The following PHTF2 variants were observed in gnomAD, a reference collection of about 807,000 sequenced individuals.
PHTF2 encodes the protein putative homeodomain transcription factor 2.
A neutral mutation model predicts 101.2 loss-of-function variants in PHTF2; 60 were observed. The observed-to-expected ratio is 0.59, with a 90% CI of 0.48 to 0.73. PHTF2 has a LOEUF of 0.73. Ranked by LOEUF, PHTF2 falls within the 30% of genes least tolerant of loss-of-function variation. The pLI, the probability that PHTF2 is intolerant of heterozygous loss-of-function variation, is 0.00. For missense variants in PHTF2, 747 were observed against 908.7 expected (o/e 0.82, Z 2.29); for synonymous variants, 311 against 307.3 (o/e 1.01, Z -0.13).
At chr7:77,808,849 G>A (rs1193984656) in intron 1 of PHTF2, among the ~76,000 whole-genome samples, 1 of 152,006 alleles carries the variant, frequency 6.6e-6, no homozygotes, top group African/African-American at 2.4e-5. Context: ...CACTCTTTCG[G>A]GGATGTGCTA....
At chr7:77,823,795 C>CA (rs1274679616) in intron 1 of PHTF2, among the ~76,000 whole-genome samples, 5 of 152,066 alleles carry the variant, frequency 3.3e-5, no homozygotes, top group Non-Finnish European at 7.4e-5. Flanking sequence ...CTGTGTGAAA[C>CA]AAAGTAGAGA....
At chr7:77,867,539 T>A (rs1449544689) in intron 3 of PHTF2, among the ~76,000 whole-genome samples, 1 of 152,242 alleles carries the variant, frequency 6.6e-6, no homozygotes, top group African/African-American at 2.4e-5. Flanking sequence ...TGATAAATGC[T>A]GACTACTTAT....
At position 77,816,421 on chromosome 7, in the gene PHTF2, G is replaced by T. The variant is rs574098635; in HGVS notation, c.-36+17450G>T. 1.2e-4 allele frequency among the ~76,000 whole-genome samples: 19 copies of T among 152,144 alleles called. No homozygotes were observed. In the East Asian group the frequency reaches 3.7e-3, roughly 29 times the overall value. On this transcript the variant is annotated intron_variant, in intron 1 of 19. Transcript: ENST00000416283. ...GCCTGTTTATAGTACATGGGTCCAG[G>T]ACAGATACATGTTTCATTTTGCTCA...
chr7:77,891,433 CAGTTG>C lies in PHTF2; in HGVS notation c.148-2174_148-2170del, dbSNP rs1562920775. On this transcript the variant is annotated intron_variant, in intron 3 of 19. Coordinates refer to ENST00000416283, the Ensembl canonical transcript of PHTF2. ...GGTCACCTCTACCATTAGGACTAAC[CAGTTG>C]GTTGTTGTTTACCTAGAGTTTCTTA... Among the ~76,000 whole-genome samples, 1,299 of 152,134 alleles carry C rather than the reference CAGTTG, an allele frequency of 8.5e-3. 20 individuals carry two copies. The highest frequency in any genetic ancestry group is 0.03 in the African/African-American group (1,225 of 41,466).
At chr7:77,800,473 T>G (rs1264522130) in intron 1 of PHTF2, among the ~76,000 whole-genome samples, 1 of 152,204 alleles carries the variant, frequency 6.6e-6, no homozygotes, top group Non-Finnish European at 1.5e-5. Flanking sequence ...GACCACTTTC[T>G]GGTGGAGCAT....
chr7:77,875,837 G>A (rs1294212568), intron 3 of PHTF2, among the ~76,000 whole-genome samples: 8 of 152,146 alleles, frequency 5.3e-5, no homozygotes, highest in Admixed American at 2.0e-4. Flanking sequence ...GATTACAGGC[G>A]TGAGAAACCG....
intron 6 of PHTF2, among the ~76,000 whole-genome samples, chr7:77,901,302 C>G (rs763033485): frequency 2.0e-5 from 3 of 152,096 alleles, no homozygotes; most frequent in Non-Finnish European, 4.4e-5. Flanking sequence ...CATTGTGAAC[C>G]TTGATGAAGA....
At chr7:77,855,523 T>TGAGCCACG (rs1797106472) in intron 3 of PHTF2, among the ~76,000 whole-genome samples, 1 of 152,198 alleles carries the variant, frequency 6.6e-6, no homozygotes, top group Non-Finnish European at 1.5e-5. Context: ...GTCCACTGGC[T>TGAGCCACG]CTGAGCCCAG....
chr7:77,909,186 T>A, intron 8 of PHTF2: 2 of 367,466 alleles, frequency 5.4e-6, no homozygotes, highest in Non-Finnish European at 9.8e-6. Context: ...TTTTTTTTCC[T>A]TGAAGCTCAT....
chr7:77,853,900 T>C (rs1256897648), intron 2 of PHTF2, among the ~76,000 whole-genome samples: 3 of 152,232 alleles, frequency 2.0e-5, no homozygotes, highest in African/African-American at 7.2e-5. Context: ...TTATCTGTCT[T>C]CATGGTCTCA....
chr7:77,954,933 G>A, exon 20 of PHTF2: 1 of 976,140 alleles, frequency 1.0e-6, no homozygotes, highest in Non-Finnish European at 1.6e-6. Context: ...TACTGACTAA[G>A]CTGCCTGAAA....
rs372541469 is a variant in PHTF2, at chr7:77,856,381, T to C, written c.147+1547T>C. On this transcript the variant is annotated intron_variant, in intron 3 of 19. Transcript: ENST00000416283. ...TTTATTTATTTATTTTTAGAGACAG[T>C]GCCTTGCTCTGTCTCCCAGGCTAGA... 8.5e-5 allele frequency among the ~76,000 whole-genome samples: 13 copies of C among 152,244 alleles called. No individual in the cohort carries two copies. In the South Asian group the frequency reaches 2.7e-3, roughly 32 times the overall value.
chr7:77,839,083 G>A (rs1404181865), intron 1 of PHTF2, among the ~76,000 whole-genome samples: 1 of 152,106 alleles, frequency 6.6e-6, no homozygotes, highest in African/African-American at 2.4e-5. Flanking sequence ...TTTGTTTACT[G>A]AGGCAAACTA....
intron 1 of PHTF2, among the ~76,000 whole-genome samples, chr7:77,832,741 C>T (rs1461822190): frequency 6.6e-6 from 1 of 151,694 alleles, no homozygotes; most frequent in Non-Finnish European, 1.5e-5. Flanking sequence ...CATCTAGTTG[C>T]AGGAAAACAA....
chr7:77,835,192 T>C (rs1391160162), intron 1 of PHTF2, among the ~76,000 whole-genome samples: 21 of 149,626 alleles, frequency 1.4e-4, no homozygotes, highest in Non-Finnish European at 3.0e-4. Context: ...GAGAATTGCT[T>C]GAACCTGGGA....
chr7:77,879,189 A>T (rs1363447569), intron 3 of PHTF2, among the ~76,000 whole-genome samples: 4 of 152,190 alleles, frequency 2.6e-5, no homozygotes, highest in Non-Finnish European at 4.4e-5. Context: ...TCGGCTTTGA[A>T]TTTGACTTTT....
At chr7:77,841,425 T>C (rs911102375) in intron 2 of PHTF2, among the ~76,000 whole-genome samples, 1 of 152,130 alleles carries the variant, frequency 6.6e-6, no homozygotes. Context: ...TAAGTGATAA[T>C]TAAAACACTT....
intron 2 of PHTF2, among the ~76,000 whole-genome samples, chr7:77,841,840 A>G (rs2150582524): frequency 6.6e-6 from 1 of 152,380 alleles, no homozygotes; most frequent in South Asian, 2.1e-4. Context: ...AAAACAAAAC[A>G]AAACAAACTT....
intron 18 of PHTF2, among the ~76,000 whole-genome samples, chr7:77,952,129 A>G (rs1037177390): frequency 6.6e-6 from 1 of 152,126 alleles, no homozygotes; most frequent in Non-Finnish European, 1.5e-5. Flanking sequence ...ATGTGTCATA[A>G]ATAAACATTT....
Sources: allele counts gnomAD v4.1 joint callset (sites outside exome capture counted in the v4.1 genomes callset), GRCh38; gene constraint gnomAD v4.1.1; transcripts MANE v1.5; gene names NCBI Gene and HGNC (gene_info 2026-07-23, HGNC 2026-07-21).